MTF2: variants seen among roughly 807,000 people sequenced by gnomAD.
The protein encoded by MTF2 is metal response element binding transcription factor 2, also known as metal-response element-binding transcription factor 2.
Under a neutral mutation model 79.5 loss-of-function variants are expected in MTF2, and 11 were observed. The ratio of observed to expected loss-of-function variants is 0.14; its 90% CI spans 0.09 to 0.23. The LOEUF is 0.23. MTF2 is among the 10% of genes least tolerant of loss of function. The pLI is 1.00. For missense variants in MTF2, 486 were observed against 711.2 expected (o/e 0.68, Z 3.60); for synonymous variants, 208 against 232.8 (o/e 0.89, Z 0.97).
chr1:93,129,135 C>A, intron 10 of MTF2, 143 bp from the exon 11 acceptor site: 1 of 488,860 alleles, frequency 2.0e-6, no homozygotes, highest in Non-Finnish European at 3.5e-6. Context: ...AGATAAAAAT[C>A]AAGGAAAGCA....
intron 1 of MTF2, among the ~76,000 whole-genome samples, chr1:93,082,728 T>G (rs1009394809): frequency 2.0e-5 from 3 of 152,220 alleles, no homozygotes; most frequent in Admixed American, 6.5e-5. Context: ...TCACATGCAT[T>G]CTTTGAAGGT....
chr1:93,112,967 T>C (rs574855), intron 3 of MTF2, among the ~76,000 whole-genome samples: 152,165 of 152,302 alleles, frequency 1, 76,014 homozygotes, highest in Non-Finnish European at 1. Context: ...GCGGGGCTGT[T>C]GTTCCATTTC....
chr1:93,110,368 G>C lies in MTF2; in HGVS notation c.144G>C (p.Glu48Asp), dbSNP rs889679212. 1 of 1,614,194 alleles carries C rather than the reference G, an allele frequency of 6.2e-7. No individual in the cohort carries two copies. Among genetic ancestry groups the C allele is most frequent in the Non-Finnish European group, 8.5e-7 (1 of 1,180,038 alleles). Reference protein sequence around the residue: ...KAKKPACKFEEGQDVLARWSD... With the variant: ...KAKKPACKFEDGQDVLARWSD... ...AAAAGCCAGCATGTAAATTTGAAGA[G>C]GGTCAGGATGTCCTAGCTAGATGGT... Residue 48 changes from glutamate (E) to aspartate (D), a missense_variant, in exon 2 of 15, where the codon GAG becomes GAC. This residue lies in a region of MTF2 where 75 missense variants were observed against 83.8 expected (regional missense o/e 0.89). Transcript: ENST00000370298.
chr1:93,125,914 G>A (rs1382646637), intron 9 of MTF2, among the ~76,000 whole-genome samples: 1 of 152,048 alleles, frequency 6.6e-6, no homozygotes, highest in Non-Finnish European at 1.5e-5. Context: ...TTTTTAGTTG[G>A]TGCCTTATCA....
chr1:93,096,419 C>A (rs577576125), intron 1 of MTF2, among the ~76,000 whole-genome samples: 3 of 152,246 alleles, frequency 2.0e-5, no homozygotes, highest in African/African-American at 7.2e-5. Context: ...ATCTTAATAG[C>A]CAGCTGCTTC....
chr1:93,138,380 T>C lies in MTF2; in HGVS notation c.*1353T>C, dbSNP rs1647486946. 6.6e-6 allele frequency: 1 copy of C among 152,184 alleles called. No homozygotes were observed. The highest frequency in any genetic ancestry group is 6.5e-5 in the Admixed American group (1 of 15,282). The allele number at this position is 152,184 out of a possible 1,614,324, so 9.4% of individuals were successfully genotyped here. A position where few individuals can be genotyped will look rare whatever the true frequency, so the allele number is the denominator to read the frequency against. ...AAGTGATTGGTGGATTTTAGACTAA[T>C]TATGGGGGAATTTGCCACCAAAATA... On this transcript the variant is annotated 3_prime_UTR_variant, in exon 15 of 15. Transcript: ENST00000370298.
chr1:93,115,415 A>T, intron 5 of MTF2, 55 bp from the exon 6 acceptor site: 1 of 1,359,608 alleles, frequency 7.4e-7, no homozygotes, highest in Non-Finnish European at 9.9e-7. Flanking sequence ...AAAGTATAGA[A>T]TTGTGTTTAA....
Position 93,121,404 on chromosome 1 carries a change from T to C in MTF2, c.921+732T>C, listed in dbSNP as rs1198616461. The C allele has an allele frequency of 8.1e-6, 7 of 862,232 alleles. No individual in the cohort carries two copies. The African/African-American group carries it at 1.3e-4, about 16-fold the overall frequency. The allele number at this position is 862,232 out of a possible 1,614,324, so 53.4% of individuals were successfully genotyped here. A position where few individuals can be genotyped will look rare whatever the true frequency, so the allele number is the denominator to read the frequency against. ...TATATTAACTACTTTTAGTTAAAAC[T>C]AAAAAATTTGTTTTATAATATGGAA... is the stretch of plus-strand genomic sequence containing the variant. On this transcript the variant is annotated intron_variant, in intron 9 of 14. Transcript: ENST00000370298.
intron 3 of MTF2, among the ~76,000 whole-genome samples, chr1:93,111,824 T>C (rs1656039636): frequency 1.3e-5 from 2 of 152,276 alleles, no homozygotes; most frequent in African/African-American, 4.8e-5. Flanking sequence ...TTATTCTTTT[T>C]TCCTTATTTT....
chr1:93,092,998 C>A (rs1023996124), intron 1 of MTF2, among the ~76,000 whole-genome samples: 1 of 151,852 alleles, frequency 6.6e-6, no homozygotes, highest in Non-Finnish European at 1.5e-5. Context: ...CTGGTTTGCA[C>A]GGTGAAATCC....
intron 1 of MTF2, among the ~76,000 whole-genome samples, chr1:93,092,970 T>C (rs565317948): frequency 2.6e-5 from 4 of 152,118 alleles, no homozygotes; most frequent in Admixed American, 6.6e-5. Flanking sequence ...ATCACGAGGT[T>C]AGGAGATCGA....
Position 93,120,610 on chromosome 1 carries a change from G to T in MTF2, c.859G>T (p.Asp287Tyr). ...TGTTATTCATAAGAAGAAATACTTT[G>T]ATTCTGAACTTGAGCTTATGACATA... ...LSVIHKKKYFDSELELMTYIN... is the reference protein window; with the variant it reads ...LSVIHKKKYFYSELELMTYIN... Residue 287 changes from aspartate (D) to tyrosine (Y), a missense_variant, in exon 9 of 15, where the codon GAT becomes TAT. Physicochemically the swap from Asp to Tyr is radical, Grantham distance 160. Around this residue, in one of 4 missense-constraint regions of MTF2, gnomAD observed 177 missense variants for 364.0 expected, o/e 0.49. Transcript: ENST00000370298. 6.2e-7 allele frequency: 1 copy of T among 1,609,514 alleles called. No homozygotes were observed. The highest frequency in any genetic ancestry group is 1.1e-5 in the South Asian group (1 of 90,316).
chr1:93,129,508 G>T, intron 11 of MTF2, 60 bp downstream of exon 11: 4 of 1,188,184 alleles, frequency 3.4e-6, no homozygotes, highest in South Asian at 2.1e-5. Context: ...AAAAATGTAT[G>T]TTATTTAGTC....
At chr1:93,087,237 A>G (rs1654882851) in intron 1 of MTF2, among the ~76,000 whole-genome samples, 1 of 152,202 alleles carries the variant, frequency 6.6e-6, no homozygotes, top group African/African-American at 2.4e-5. Flanking sequence ...GTAGGAATGC[A>G]TCATTTCATC....
At chr1:93,088,305 T>C (rs1472586099) in intron 1 of MTF2, among the ~76,000 whole-genome samples, 4 of 152,252 alleles carry the variant, frequency 2.6e-5, no homozygotes, top group Non-Finnish European at 5.9e-5. Context: ...TTTTAATGTA[T>C]ATTAGTGGCC....
At chr1:93,097,578 T>G (rs1655343714) in intron 1 of MTF2, among the ~76,000 whole-genome samples, 1 of 152,140 alleles carries the variant, frequency 6.6e-6, no homozygotes, top group Non-Finnish European at 1.5e-5. Flanking sequence ...TCCAATTTCT[T>G]CGTGGCCTGA....
At chr1:93,098,246 T>C (rs1247667778) in intron 1 of MTF2, among the ~76,000 whole-genome samples, 1 of 152,246 alleles carries the variant, frequency 6.6e-6, no homozygotes, top group African/African-American at 2.4e-5. Context: ...ACTCATCCTT[T>C]AAGTCTGTAG....
chr1:93,102,450 G>A (rs922495379), intron 1 of MTF2, among the ~76,000 whole-genome samples: 1 of 152,084 alleles, frequency 6.6e-6, no homozygotes, highest in African/African-American at 2.4e-5. Context: ...AGGTGGGCGT[G>A]GTGGCATGGT....
intron 1 of MTF2, among the ~76,000 whole-genome samples, chr1:93,093,134 A>G (rs1655140433): frequency 6.6e-6 from 1 of 151,946 alleles, no homozygotes; most frequent in Admixed American, 6.6e-5. Flanking sequence ...GTGAGCTGAG[A>G]TCACACCACT....
Sources: gnomAD v4.1 joint callset for allele counts (sites outside exome capture counted in the v4.1 genomes callset) on GRCh38, gnomAD v4.1.1 for gene constraint, gnomAD v4.1.1 regional missense constraint, MANE v1.5 for transcripts, NCBI Gene and HGNC (gene_info 2026-07-23, HGNC 2026-07-21) for gene names.